Variants in PALM2AKAP2 observed in about 807,000 individuals in gnomAD.
The protein encoded by PALM2AKAP2 is PALM2-AKAP2 fusion protein.
Under a neutral mutation model 71.5 loss-of-function variants are expected in PALM2AKAP2, and 37 were observed. The observed-to-expected ratio is 0.52, with a 90% confidence interval of 0.40 to 0.68. The LOEUF is 0.68. Ranked by LOEUF, PALM2AKAP2 falls within the 30% of genes least tolerant of loss-of-function variation. PALM2AKAP2 has a pLI of 0.00. For synonymous variants in PALM2AKAP2, 468 were observed against 478.8 expected, an observed-to-expected ratio of 0.98 and a Z score of 0.29; for missense variants, 1,224 against 1,191.8, an observed-to-expected ratio of 1.03 and a Z score of -0.40.
intron 1 of PALM2AKAP2, among the ~76,000 whole-genome samples, chr9:109,658,200 G>C (rs1057230425): frequency 6.6e-6 from 1 of 151,948 alleles, no homozygotes; most frequent in Non-Finnish European, 1.5e-5. Context: ...CTTGTGTTCA[G>C]GGAGGTTCAG....
Position 109,828,693 on chromosome 9 carries a change from A to G in PALM2AKAP2, c.46-38798A>G, listed in dbSNP as rs564217393. Among the ~76,000 whole-genome samples the G allele has an allele frequency of 4.6e-5, 7 of 152,348 alleles. No homozygotes were observed. In the South Asian group the frequency reaches 8.3e-4, roughly 18 times the overall value. The stretch of plus-strand genomic sequence containing the variant: ...ATTTTACAAAATGGGAATTTCTTTC[A>G]CAAAGAAGATGAGTTCATTGTACTT... On this transcript the variant is annotated intron_variant, in intron 1 of 9. Coordinates refer to the PALM2AKAP2 transcript ENST00000302798.
In PALM2AKAP2 at chr9:109,711,184, G is replaced by T. The variant is rs565125957; in HGVS notation, c.6-69304G>T. ...AATTTAAAAAAAAAATGGAAAGGTG[G>T]TGGTAGTAGCCTGGTAGTAGCCTTG... On this transcript the variant is annotated intron_variant, in intron 1 of 6. Transcript: ENST00000374531. Among the ~76,000 whole-genome samples, 4 of 152,254 alleles carry T rather than the reference G, an allele frequency of 2.6e-5. No homozygotes were observed. In the East Asian group the frequency reaches 7.7e-4, roughly 29 times the overall value.
intron 6 of PALM2AKAP2, among the ~76,000 whole-genome samples, chr9:109,998,764 C>CAAAAAAA (rs766171217): frequency 1.4e-5 from 1 of 70,808 alleles, no homozygotes; most frequent in African/African-American, 5.6e-5. Flanking sequence ...GACCCTGTCG[C>CAAAAAAA]AAAAAAAAAA....
chr9:110,017,888 C>T (rs1043626163), intron 7 of PALM2AKAP2, among the ~76,000 whole-genome samples: 11 of 151,822 alleles, frequency 7.2e-5, no homozygotes, highest in East Asian at 1.9e-4. Flanking sequence ...ACACAATGCC[C>T]GGCTAGTTTT....
intron 1 of PALM2AKAP2, chr9:109,765,705 A>G (rs1410379286): frequency 6.6e-6 from 1 of 152,228 alleles, no homozygotes; most frequent in African/African-American, 2.4e-5. Context: ...TCAAACTTGA[A>G]TTGTGCACAG....
chr9:109,779,424 A>G (rs1389805593), upstream of PALM2AKAP2, among the ~76,000 whole-genome samples: 2 of 151,896 alleles, frequency 1.3e-5, no homozygotes, highest in Non-Finnish European at 2.9e-5. Flanking sequence ...TTCAATCCAG[A>G]ATGTCACAGG....
At chr9:110,155,140 A>T (rs1390345650) in intron 2 of PALM2AKAP2, among the ~76,000 whole-genome samples, 1 of 152,192 alleles carries the variant, frequency 6.6e-6, no homozygotes, top group East Asian at 1.9e-4. Flanking sequence ...ACCAGGCTTC[A>T]CTTGTGATTC....
chr9:110,064,350 C>CGGAA (rs2118519024), intron 1 of PALM2AKAP2, among the ~76,000 whole-genome samples: 2 of 152,280 alleles, frequency 1.3e-5, no homozygotes, highest in East Asian at 3.9e-4. Flanking sequence ...CTTCCCAAGA[C>CGGAA]GGAAGTGCCT....
chr9:109,919,477 AT>A (rs1198569844), intron 3 of PALM2AKAP2, among the ~76,000 whole-genome samples: 1 of 152,048 alleles, frequency 6.6e-6, no homozygotes, highest in Non-Finnish European at 1.5e-5. Context: ...TATCACTGAC[AT>A]TTTTCTGTTT....
At chr9:109,781,955 G>T (rs1376259350) in intron 1 of PALM2AKAP2, among the ~76,000 whole-genome samples, 2 of 152,350 alleles carry the variant, frequency 1.3e-5, no homozygotes, top group East Asian at 1.9e-4. Flanking sequence ...CCATGTAGCT[G>T]GTGGGTGTTT....
intron 1 of PALM2AKAP2, among the ~76,000 whole-genome samples, chr9:109,716,934 C>G (rs1297139510): frequency 2.6e-5 from 4 of 151,890 alleles, no homozygotes; most frequent in Non-Finnish European, 5.9e-5. Context: ...GGCTGGCTTG[C>G]CAGAAGGACT....
chr9:109,917,641 A>G (rs1830725141), intron 3 of PALM2AKAP2, among the ~76,000 whole-genome samples: 1 of 151,884 alleles, frequency 6.6e-6, no homozygotes, highest in South Asian at 2.1e-4. Context: ...GGTATATGTC[A>G]CCATGCCCAG....
chr9:110,049,345 A>T (rs1198016513), intron 1 of PALM2AKAP2, among the ~76,000 whole-genome samples: 8 of 151,992 alleles, frequency 5.3e-5, no homozygotes, highest in Admixed American at 3.3e-4. Context: ...GCAAGTCCTG[A>T]ACTTTTCAGA....
chr9:110,138,274 C>G, exon 2 of PALM2AKAP2: 1 of 1,614,242 alleles, frequency 6.2e-7, no homozygotes, highest in South Asian at 1.1e-5. Flanking sequence ...CCGAAGGAAG[C>G]TATTTCAGCA....
chr9:110,086,081 G>A lies in PALM2AKAP2; in HGVS notation c.156+37226G>A, dbSNP rs368147049. On this transcript the variant is annotated intron_variant, in intron 1 of 3. Coordinates refer to ENST00000374525, the Ensembl canonical transcript of PALM2AKAP2. ...GAGATTGCACTACTGCACTCCACCT[G>A]GGCAATAAGAGTGAGACTCCATCTC... Among the ~76,000 whole-genome samples, 327 of 150,194 alleles carry A rather than the reference G, an allele frequency of 2.2e-3. 3 individuals carry two copies. The highest frequency in any genetic ancestry group is 7.5e-3 in the African/African-American group (305 of 40,702).
chr9:110,030,649 C>T (rs1449934451), intron 7 of PALM2AKAP2, among the ~76,000 whole-genome samples: 2 of 152,216 alleles, frequency 1.3e-5, no homozygotes, highest in African/African-American at 4.8e-5. Flanking sequence ...GCATCTAGTG[C>T]TCCTATCTCG....
At chr9:109,942,804 T>C (rs1831406697) in intron 6 of PALM2AKAP2, 5 of 1,614,048 alleles carry the variant, frequency 3.1e-6, no homozygotes, top group African/African-American at 2.7e-5. Flanking sequence ...AAGTCTATGA[T>C]GATGGTACCA....
chr9:109,803,056 G>A (rs1019782865), intron 1 of PALM2AKAP2, among the ~76,000 whole-genome samples: 1 of 152,114 alleles, frequency 6.6e-6, no homozygotes. Context: ...GTCTGTGTTT[G>A]TTTGCTTGCT....
chr9:109,668,867 C>T (rs568796091), intron 1 of PALM2AKAP2, among the ~76,000 whole-genome samples: 6 of 152,208 alleles, frequency 3.9e-5, no homozygotes, highest in Admixed American at 1.3e-4. Flanking sequence ...TGTCCCTAGA[C>T]CTTGACTTTC....
Sources: gnomAD v4.1 joint callset for allele counts (sites outside exome capture counted in the v4.1 genomes callset) on GRCh38, gnomAD v4.1.1 for gene constraint, MANE v1.5 for transcripts, NCBI Gene and HGNC (gene_info 2026-07-23, HGNC 2026-07-21) for gene names.